The following FNDC3B variants were observed in gnomAD, a reference collection of about 807,000 sequenced individuals.
FNDC3B encodes fibronectin type III domain containing 3B.
Under a neutral mutation model 151.5 loss-of-function variants are expected in FNDC3B, and 12 were observed. The observed-to-expected ratio is 0.08, with a 90% CI of 0.05 to 0.13. The LOEUF is 0.13. Ranked by LOEUF, FNDC3B falls within the 10% of genes least tolerant of loss-of-function variation. FNDC3B has a pLI of 1.00. For missense variants in FNDC3B, 1,214 were observed against 1,505.3 expected (o/e 0.81, Z 3.20); for synonymous variants, 528 against 549.0 (o/e 0.96, Z 0.54).
intron 1 of FNDC3B, among the ~76,000 whole-genome samples, chr3:172,076,294 A>G (rs773335332): frequency 6.6e-6 from 1 of 152,230 alleles, no homozygotes; most frequent in Non-Finnish European, 1.5e-5. Context: ...TGTTAGGGCT[A>G]TCCTTGGTGC....
chr3:172,387,147 G>A (rs1288390497), intron 25 of FNDC3B, among the ~76,000 whole-genome samples: 2 of 151,938 alleles, frequency 1.3e-5, no homozygotes, highest in Admixed American at 6.6e-5. Context: ...AGTAGAGACG[G>A]GATTTCACCA....
chr3:172,150,039 G>A (rs1362352671), intron 3 of FNDC3B, among the ~76,000 whole-genome samples: 1 of 151,722 alleles, frequency 6.6e-6, no homozygotes, highest in African/African-American at 2.4e-5. Flanking sequence ...GGCTGGTCTC[G>A]AACTCCTGAC....
At chr3:172,108,374 CA>C (rs1719779614) in intron 1 of FNDC3B, among the ~76,000 whole-genome samples, 1 of 152,184 alleles carries the variant, frequency 6.6e-6, no homozygotes, top group South Asian at 2.1e-4. Context: ...TCATTACAAA[CA>C]AATAGAGTAA....
At chr3:172,320,132 T>C (rs6770602) in intron 11 of FNDC3B, among the ~76,000 whole-genome samples, 10,070 of 152,082 alleles carry the variant, frequency 0.066, 1,144 homozygotes, top group African/African-American at 0.23. Flanking sequence ...GTAACCCCAG[T>C]ACTTTGGGAG....
intron 1 of FNDC3B, among the ~76,000 whole-genome samples, chr3:172,059,001 A>G (rs1458414786): frequency 1.3e-4 from 20 of 152,184 alleles, no homozygotes; most frequent in Admixed American, 1.3e-3. Context: ...GTTTGCCTAG[A>G]GCAGTGACCA....
chr3:172,192,773 T>C (rs1560011021), intron 3 of FNDC3B, among the ~76,000 whole-genome samples: 2 of 152,094 alleles, frequency 1.3e-5, no homozygotes, highest in Non-Finnish European at 2.9e-5. Context: ...TTGAAGATTC[T>C]CAGATGAAGA....
intron 1 of FNDC3B, among the ~76,000 whole-genome samples, chr3:172,106,153 G>A (rs1719633227): frequency 6.6e-6 from 1 of 152,174 alleles, no homozygotes; most frequent in Non-Finnish European, 1.5e-5. Flanking sequence ...CTACTTACTT[G>A]TTATGTTACT....
intron 3 of FNDC3B, among the ~76,000 whole-genome samples, chr3:172,204,769 C>T (rs191036429): frequency 1.1e-4 from 17 of 152,298 alleles, no homozygotes; most frequent in Non-Finnish European, 2.4e-4. Context: ...GCATGAACTG[C>T]GGACAGAGCC....
At chr3:172,285,517 C>G (rs770669164) in intron 6 of FNDC3B, among the ~76,000 whole-genome samples, 5 of 152,162 alleles carry the variant, frequency 3.3e-5, no homozygotes, top group African/African-American at 4.8e-5. Context: ...AAATACAGCT[C>G]AAAGATTTGA....
At chr3:172,260,890 G>A (rs1219852650) in intron 6 of FNDC3B, among the ~76,000 whole-genome samples, 2 of 152,108 alleles carry the variant, frequency 1.3e-5, no homozygotes, top group Non-Finnish European at 2.9e-5. Context: ...GATTCTGTTT[G>A]AACCCACTCA....
In FNDC3B at chr3:172,333,100, C is replaced by T. The variant is rs1183933989; in HGVS notation, c.1566C>T (p.Phe522=). The change falls in exon 14 of 26, where the codon TTC becomes TTT. Residue 522 remains phenylalanine (F), a synonymous_variant. Coordinates refer to ENST00000415807, the MANE Select transcript of FNDC3B (RefSeq NM_022763.4). The part of the protein sequence containing the change: ...EIQEDENDNL[F]HPKYTGEDLT... ...CTTTGCCTTTTCAGGATAACCTTTT[C>T]CACCCAAAATACACTGGAGAGGATT... 8.7e-6 allele frequency: 14 copies of T among 1,611,602 alleles called. No homozygotes were observed. The highest frequency in any genetic ancestry group is 1.7e-4 in the Middle Eastern group (1 of 6,060).
At chr3:172,094,038 C>T (rs1237068710) in intron 1 of FNDC3B, among the ~76,000 whole-genome samples, 1 of 150,858 alleles carries the variant, frequency 6.6e-6, no homozygotes, top group African/African-American at 2.4e-5. Flanking sequence ...GTGTAACCAC[C>T]ACCACTAGCA....
At chr3:172,144,398 A>G (rs1168155722) in intron 3 of FNDC3B, among the ~76,000 whole-genome samples, 1 of 152,222 alleles carries the variant, frequency 6.6e-6, no homozygotes, top group Non-Finnish European at 1.5e-5. Flanking sequence ...ACTGAGTTAA[A>G]TGAAGGTGGC....
intron 3 of FNDC3B, among the ~76,000 whole-genome samples, chr3:172,163,449 T>C (rs556140465): frequency 6.6e-6 from 1 of 152,304 alleles, no homozygotes; most frequent in Admixed American, 6.5e-5. Context: ...GATTTTCCTT[T>C]TCTTTGTATC....
At chr3:172,342,217 T>C (rs1380485122) in intron 17 of FNDC3B, among the ~76,000 whole-genome samples, 1 of 152,174 alleles carries the variant, frequency 6.6e-6, no homozygotes, top group Non-Finnish European at 1.5e-5. Flanking sequence ...ACACTGCCTG[T>C]GAGGAGAAGG....
intron 1 of FNDC3B, among the ~76,000 whole-genome samples, chr3:172,095,616 G>A (rs1192460195): frequency 6.6e-6 from 1 of 152,194 alleles, no homozygotes; most frequent in Non-Finnish European, 1.5e-5. Context: ...GATGTGATCA[G>A]ATTGCCCTTA....
At chr3:172,382,223 T>A (rs1735482093) in intron 25 of FNDC3B, among the ~76,000 whole-genome samples, 1 of 152,262 alleles carries the variant, frequency 6.6e-6, no homozygotes, top group African/African-American at 2.4e-5. Context: ...TAATGACAAG[T>A]GATGACGAGC....
chr3:172,314,930 A>G (rs1731703376), intron 11 of FNDC3B, among the ~76,000 whole-genome samples: 1 of 152,230 alleles, frequency 6.6e-6, no homozygotes, highest in East Asian at 1.9e-4. Context: ...GCATCACTGT[A>G]GCATAGAATT....
chr3:172,226,512 T>G (rs1423812457), intron 3 of FNDC3B, among the ~76,000 whole-genome samples: 1 of 152,208 alleles, frequency 6.6e-6, no homozygotes, highest in African/African-American at 2.4e-5. Context: ...AAATATTGAT[T>G]AATTATGCAT....
Sources: allele counts gnomAD v4.1 joint callset (sites outside exome capture counted in the v4.1 genomes callset), GRCh38; gene constraint gnomAD v4.1.1; transcripts MANE v1.5; gene names NCBI Gene and HGNC (gene_info 2026-07-23, HGNC 2026-07-21).